Variants in PHACTR1 observed in about 807,000 individuals in gnomAD.
PHACTR1 encodes phosphatase and actin regulator 1, also known as RPEL repeat containing 1.
PHACTR1 carries 16 observed loss-of-function variants against 69.2 expected under a neutral mutation model. The observed-to-expected ratio is 0.23, with a 90% confidence interval of 0.16 to 0.35. PHACTR1 has a LOEUF of 0.35. PHACTR1 is among the 10% of genes least tolerant of loss of function. The pLI, the probability that PHACTR1 is intolerant of heterozygous loss-of-function variation, is 1.00. For missense variants in PHACTR1, 510 were observed against 734.7 expected, an observed-to-expected ratio of 0.69 and a Z score of 3.54; for synonymous variants, 312 against 284.5, an observed-to-expected ratio of 1.10 and a Z score of -0.97.
chr6:13,130,452 C>T (rs1820242980), intron 5 of PHACTR1, among the ~76,000 whole-genome samples: 2 of 151,944 alleles, frequency 1.3e-5, no homozygotes, highest in African/African-American at 4.8e-5. Flanking sequence ...TCCAAATAAG[C>T]TCAATTAGAA....
intron 9 of PHACTR1, 78 bp from the exon 10 acceptor site, chr6:13,229,959 T>A: frequency 6.9e-7 from 1 of 1,445,790 alleles, no homozygotes. Flanking sequence ...CTGCCTTGTA[T>A]CTTATGACCC....
At chr6:13,210,012 T>C (rs1188568623) in intron 8 of PHACTR1, among the ~76,000 whole-genome samples, 3 of 152,198 alleles carry the variant, frequency 2.0e-5, no homozygotes, top group Admixed American at 6.5e-5. Flanking sequence ...TTTTTATTTA[T>C]ATTTTTTATT....
At chr6:12,774,424 C>T (rs973911705) in intron 4 of PHACTR1, among the ~76,000 whole-genome samples, 17 of 151,946 alleles carry the variant, frequency 1.1e-4, no homozygotes, top group Non-Finnish European at 2.4e-4. Flanking sequence ...GGCATTTCGC[C>T]CTTGTTGCCC....
intron 4 of PHACTR1, among the ~76,000 whole-genome samples, chr6:12,802,122 T>C (rs1460065210): frequency 7.0e-6 from 1 of 142,346 alleles, no homozygotes; most frequent in Non-Finnish European, 1.6e-5. Flanking sequence ...ATAAATGTAC[T>C]TTATTATATA....
At chr6:12,957,597 T>G in intron 4 of PHACTR1, 3 of 985,602 alleles carry the variant, frequency 3.0e-6, no homozygotes, top group Non-Finnish European at 3.6e-6. Flanking sequence ...TAGAGACGTC[T>G]GAGTACCCGC....
chr6:13,269,812 CAAA>C (rs946363060), intron 10 of PHACTR1, among the ~76,000 whole-genome samples: 2 of 151,838 alleles, frequency 1.3e-5, no homozygotes, highest in South Asian at 2.1e-4. Flanking sequence ...CCAGCCTGGG[CAAA>C]AAAAGCTAAA....
chr6:13,159,462 G>C (rs1197819158), intron 5 of PHACTR1, among the ~76,000 whole-genome samples: 3 of 152,196 alleles, frequency 2.0e-5, no homozygotes, highest in South Asian at 4.1e-4. Context: ...TGAAACAGCA[G>C]TCCCTCCTGG....
intron 6 of PHACTR1, among the ~76,000 whole-genome samples, chr6:13,163,361 A>G (rs1045071886): frequency 6.6e-6 from 1 of 152,198 alleles, no homozygotes; most frequent in Non-Finnish European, 1.5e-5. Context: ...TTTTACTTTG[A>G]TCCTTGCACT....
intron 5 of PHACTR1, among the ~76,000 whole-genome samples, chr6:13,119,725 T>G (rs1425159820): frequency 6.6e-6 from 1 of 152,206 alleles, no homozygotes; most frequent in Non-Finnish European, 1.5e-5. Flanking sequence ...ATGCTTCTGC[T>G]AAAGCTTTAG....
intron 4 of PHACTR1, among the ~76,000 whole-genome samples, chr6:12,885,082 A>G (rs1002460434): frequency 2.0e-5 from 3 of 152,218 alleles, no homozygotes; most frequent in African/African-American, 7.2e-5. Context: ...CAACCCACTC[A>G]GAGACAGTGC....
intron 4 of PHACTR1, among the ~76,000 whole-genome samples, chr6:12,780,953 C>T (rs1445029090): frequency 6.6e-6 from 1 of 152,150 alleles, no homozygotes; most frequent in Non-Finnish European, 1.5e-5. Context: ...CCTTTCCTCT[C>T]TCTTTCCCCT....
chr6:12,806,049 T>C (rs1419920568), intron 4 of PHACTR1, among the ~76,000 whole-genome samples: 6 of 152,186 alleles, frequency 3.9e-5, no homozygotes, highest in Non-Finnish European at 7.3e-5. Flanking sequence ...TACCCCTTTT[T>C]CCCAAATATA....
intron 10 of PHACTR1, among the ~76,000 whole-genome samples, chr6:13,259,761 AG>A (rs1775657046): frequency 1.3e-5 from 2 of 152,300 alleles, no homozygotes; most frequent in Non-Finnish European, 2.9e-5. Context: ...TGCGGGCCTC[AG>A]GGCCCCAGTT....
At chr6:13,116,030 A>G (rs558427821) in intron 5 of PHACTR1, among the ~76,000 whole-genome samples, 1 of 152,314 alleles carries the variant, frequency 6.6e-6, no homozygotes, top group South Asian at 2.1e-4. Flanking sequence ...AGTGTGCTGC[A>G]GACTGTCTCT....
At chr6:12,932,934 C>CTT (rs35209150) in intron 4 of PHACTR1, among the ~76,000 whole-genome samples, 91 of 124,156 alleles carry the variant, frequency 7.3e-4, no homozygotes, top group African/African-American at 1.9e-3. Context: ...TATTCCAAAT[C>CTT]TTTTTTTTTT....
At chr6:12,833,837 G>C (rs572038687) in intron 4 of PHACTR1, among the ~76,000 whole-genome samples, 1 of 152,200 alleles carries the variant, frequency 6.6e-6, no homozygotes, top group East Asian at 1.9e-4. Flanking sequence ...CAGTGCCTGG[G>C]CTGGCCCAGC....
rs905920245 is a variant in PHACTR1, at chr6:12,982,001, T to C, written c.251-71364T>C. Among the ~76,000 whole-genome samples, 3 of 152,334 alleles carry C rather than the reference T, an allele frequency of 2.0e-5. No homozygotes were observed. In the South Asian group the frequency reaches 6.2e-4, roughly 32 times the overall value. On this transcript the variant is annotated intron_variant, in intron 4 of 14. Coordinates refer to ENST00000332995, the MANE Select transcript of PHACTR1 (RefSeq NM_030948.6). ...AGTTTGATTTCTTGTTAGACTTTTC[T>C]ACATCTTTTTTGCTTACTCTCTCCC...
chr6:13,182,090 G>A lies in PHACTR1; in HGVS notation c.497-429G>A, dbSNP rs548181828. 1.3e-4 allele frequency among the ~76,000 whole-genome samples: 20 copies of A among 152,088 alleles called. No individual in the cohort carries two copies. In the South Asian group the frequency reaches 4.0e-3, roughly 30 times the overall value. ...CTCTAATAAAAATACAAAATTAGCC[G>A]GGTGTGGTGGCACGTGCCTGTAATC... is the stretch of plus-strand genomic sequence containing the variant. On this transcript the variant is annotated intron_variant, in intron 6 of 14. Coordinates refer to ENST00000332995, the MANE Select transcript of PHACTR1 (RefSeq NM_030948.6).
chr6:13,004,841 A>G (rs7762867), intron 4 of PHACTR1, among the ~76,000 whole-genome samples: 151,580 of 152,280 alleles, frequency 1, 75,451 homozygotes, highest in Middle Eastern at 1. Context: ...ACTTCCTCTC[A>G]CCAGCTTTTT....
Sources: gnomAD v4.1 joint callset for allele counts (sites outside exome capture counted in the v4.1 genomes callset) on GRCh38, gnomAD v4.1.1 for gene constraint, MANE v1.5 for transcripts, NCBI Gene and HGNC (gene_info 2026-07-23, HGNC 2026-07-21) for gene names.